RSRC1: variants seen among roughly 807,000 people sequenced by gnomAD.
RSRC1 encodes serine/Arginine-related protein 53.
Under a neutral mutation model 49.1 loss-of-function variants are expected in RSRC1, and 39 were observed. That is an observed-to-expected ratio of 0.79 (90% CI 0.61 to 1.04). RSRC1 has a LOEUF of 1.04. Among genes scored for constraint, RSRC1 ranks in the 50% least tolerant of loss-of-function variants. RSRC1 has a pLI of 0.00. For synonymous variants in RSRC1, 143 were observed against 130.8 expected, an observed-to-expected ratio of 1.09 and a Z score of -0.63; for missense variants, 388 against 402.4, an observed-to-expected ratio of 0.96 and a Z score of 0.31.
At chr3:158,340,058 G>A (rs997300180) in intron 5 of RSRC1, among the ~76,000 whole-genome samples, 7 of 152,184 alleles carry the variant, frequency 4.6e-5, no homozygotes, top group African/African-American at 1.7e-4. Flanking sequence ...TGCTTTGGCT[G>A]TGTCCCCACT....
intron 6 of RSRC1, among the ~76,000 whole-genome samples, chr3:158,442,077 A>C (rs1736407479): frequency 6.6e-6 from 1 of 152,150 alleles, no homozygotes; most frequent in Admixed American, 6.6e-5. Flanking sequence ...ATTAAAAAAT[A>C]TTTTATTACT....
At chr3:158,472,466 A>AT (rs1030704190) in intron 7 of RSRC1, among the ~76,000 whole-genome samples, 1 of 152,088 alleles carries the variant, frequency 6.6e-6, no homozygotes, top group African/African-American at 2.4e-5. Context: ...CCATTTCCAA[A>AT]TTTTTTTCTG....
intron 5 of RSRC1, among the ~76,000 whole-genome samples, chr3:158,322,987 G>C (rs1360045429): frequency 6.6e-6 from 1 of 151,962 alleles, no homozygotes; most frequent in African/African-American, 2.4e-5. Context: ...CAGACATCTG[G>C]GTTAATTTGG....
At chr3:158,537,230 C>A in intron 8 of RSRC1, 32 bp downstream of exon 8, 1 of 1,291,370 alleles carries the variant, frequency 7.7e-7, no homozygotes, top group Non-Finnish European at 1.1e-6. Context: ...ATGAGTAAAC[C>A]TTTGGATTCT....
At chr3:158,286,060 G>T (rs1730020) in intron 4 of RSRC1, among the ~76,000 whole-genome samples, 72,408 of 151,932 alleles carry the variant, frequency 0.48, 17,808 homozygotes, top group East Asian at 0.64. Context: ...TATTTGTACA[G>T]TATTTGTTTT....
chr3:158,425,030 G>T (rs1224014391), intron 6 of RSRC1, among the ~76,000 whole-genome samples: 2 of 150,604 alleles, frequency 1.3e-5, no homozygotes, highest in East Asian at 3.9e-4. Flanking sequence ...CAAAAAACCA[G>T]CTCCTGGATT....
chr3:158,270,482 A>G (rs563698709), intron 4 of RSRC1, among the ~76,000 whole-genome samples: 6 of 152,170 alleles, frequency 3.9e-5, no homozygotes, highest in Non-Finnish European at 8.8e-5. Context: ...GGAATTTGTA[A>G]TGTCACAGAT....
chr3:158,293,406 T>A (rs1015293309), intron 4 of RSRC1, among the ~76,000 whole-genome samples: 103 of 152,146 alleles, frequency 6.8e-4, no homozygotes, highest in African/African-American at 2.4e-3. Flanking sequence ...ATTTGCCTGG[T>A]TTTATGGGAA....
intron 6 of RSRC1, among the ~76,000 whole-genome samples, chr3:158,448,444 A>G (rs1736845416): frequency 6.6e-6 from 1 of 151,934 alleles, no homozygotes. Flanking sequence ...ATAAGCATGT[A>G]CAAAGATACA....
chr3:158,390,192 C>A (rs1315076981), intron 6 of RSRC1, among the ~76,000 whole-genome samples: 1 of 152,106 alleles, frequency 6.6e-6, no homozygotes, highest in Non-Finnish European at 1.5e-5. Context: ...TTAAGTGCTT[C>A]ATGGTTAAAG....
chr3:158,204,676 C>T (rs1421794734), intron 4 of RSRC1, among the ~76,000 whole-genome samples: 1 of 152,084 alleles, frequency 6.6e-6, no homozygotes, highest in African/African-American at 2.4e-5. Flanking sequence ...ATGAATAAAA[C>T]TTGTCAATCA....
At chr3:158,397,968 C>T (rs1449822612) in intron 6 of RSRC1, among the ~76,000 whole-genome samples, 1 of 151,974 alleles carries the variant, frequency 6.6e-6, no homozygotes, top group African/African-American at 2.4e-5. Context: ...TGGAATGAGG[C>T]TTGTGATACC....
intron 6 of RSRC1, among the ~76,000 whole-genome samples, chr3:158,444,513 T>C (rs1320047906): frequency 6.6e-6 from 1 of 151,562 alleles, no homozygotes; most frequent in Admixed American, 6.6e-5. Context: ...TAAGTCAAGA[T>C]GGATTAAAGA....
chr3:158,540,173 G>T (rs905630676), intron 8 of RSRC1, among the ~76,000 whole-genome samples: 3 of 151,948 alleles, frequency 2.0e-5, no homozygotes, highest in African/African-American at 7.3e-5. Flanking sequence ...TTGTGTAAAG[G>T]GTCAGTATAA....
chr3:158,444,272 A>C (rs1736557619), intron 6 of RSRC1, among the ~76,000 whole-genome samples: 1 of 152,140 alleles, frequency 6.6e-6, no homozygotes, highest in South Asian at 2.1e-4. Context: ...ACAACGCTAC[A>C]GTAACCAAAA....
At chr3:158,327,891 A>G (rs1729265988) in intron 5 of RSRC1, among the ~76,000 whole-genome samples, 1 of 152,044 alleles carries the variant, frequency 6.6e-6, no homozygotes, top group Non-Finnish European at 1.5e-5. Context: ...GTCTCTAAGG[A>G]CTTGCTTTAT....
At chr3:158,113,614 C>G (rs972798305) in intron 1 of RSRC1, among the ~76,000 whole-genome samples, 2 of 151,974 alleles carry the variant, frequency 1.3e-5, no homozygotes, top group African/African-American at 4.8e-5. Flanking sequence ...TGATCCACCC[C>G]CCTCAGCCTC....
chr3:158,329,026 A>C (rs1344339035), intron 5 of RSRC1, among the ~76,000 whole-genome samples: 1 of 152,194 alleles, frequency 6.6e-6, no homozygotes, highest in African/African-American at 2.4e-5. Context: ...CAGTTGATCA[A>C]ATCAGCTACT....
intron 7 of RSRC1, among the ~76,000 whole-genome samples, chr3:158,515,307 C>A (rs1418193651): frequency 6.7e-6 from 1 of 149,142 alleles, no homozygotes; most frequent in Non-Finnish European, 1.5e-5. Flanking sequence ...GTGACAAAAT[C>A]TCTCAGCATT....
Sources: gnomAD v4.1 joint callset for allele counts (sites outside exome capture counted in the v4.1 genomes callset) on GRCh38, gnomAD v4.1.1 for gene constraint, MANE v1.5 for transcripts, NCBI Gene and HGNC (gene_info 2026-07-23, HGNC 2026-07-21) for gene names.